Variants in ZNF717 observed in about 807,000 individuals in gnomAD.
The protein encoded by ZNF717 is zinc finger protein 717, also known as krueppel-like factor X17.
In ZNF717, 9 loss-of-function variants were observed where a neutral mutation model predicts 13.8. The observed-to-expected ratio is 0.65, with a 90% confidence interval of 0.39 to 1.14. ZNF717 has a LOEUF of 1.14. Among genes scored for constraint, ZNF717 ranks in the 50% most tolerant of loss-of-function variants. The probability of loss-of-function intolerance (pLI) is 0.01; values close to 1 mark genes in which losing one functional copy is unlikely to be tolerated. For synonymous variants in ZNF717, 327 were observed against 364.1 expected (o/e 0.90, Z 1.16); for missense variants, 1,040 against 1,080.7 (o/e 0.96, Z 0.53).
At chr3:75,721,852 GAA>G (rs33935939) in intron 4 of ZNF717, among the ~76,000 whole-genome samples, 1 of 151,542 alleles carries the variant, frequency 6.6e-6, no homozygotes, top group African/African-American at 2.4e-5. Context: ...AAGTTAAAAG[GAA>G]AAAAAAATTG....
At chr3:75,733,235 T>G (rs1164329700), downstream of ZNF717, among the ~76,000 whole-genome samples, 1 of 152,108 alleles carries the variant, frequency 6.6e-6, no homozygotes, top group Non-Finnish European at 1.5e-5. Flanking sequence ...AGGTGTAACA[T>G]AGAGTGATGA....
downstream of ZNF717, among the ~76,000 whole-genome samples, chr3:75,707,683 G>A (rs1937833988): frequency 6.6e-6 from 1 of 152,148 alleles, no homozygotes; most frequent in African/African-American, 2.4e-5. Flanking sequence ...ACGGGGTCAG[G>A]GAGTTCCCTT....
At chr3:75,702,525 A>G (rs1398755911) in intron 6 of ZNF717, among the ~76,000 whole-genome samples, 31 of 151,444 alleles carry the variant, frequency 2.0e-4, no homozygotes, top group African/African-American at 7.4e-4. Flanking sequence ...GGTTAAAACA[A>G]TTGTTAGAAA....
chr3:75,746,370 C>T (rs375322626), intron 2 of ZNF717, among the ~76,000 whole-genome samples: 1 of 152,098 alleles, frequency 6.6e-6, no homozygotes, highest in Non-Finnish European at 1.5e-5. Context: ...ATAGTAGCAT[C>T]ATTTATATTC....
At chr3:75,734,749 A>G (rs1368714602), downstream of ZNF717, among the ~76,000 whole-genome samples, 26 of 148,582 alleles carry the variant, frequency 1.7e-4, no homozygotes, top group Middle Eastern at 3.3e-3. Flanking sequence ...TTTATTCTTA[A>G]TTGACCTAAC....
At chr3:75,697,440 T>C (rs1470909826) in intron 6 of ZNF717, among the ~76,000 whole-genome samples, 6 of 152,354 alleles carry the variant, frequency 3.9e-5, no homozygotes, top group Admixed American at 2.0e-4. Flanking sequence ...GGTACTATCC[T>C]CATAATAGTA....
Position 75,739,143 on chromosome 3 carries a change from A to C in ZNF717, c.480T>G (p.Asn160Lys). The change falls in exon 5 of 5, where the codon AAT becomes AAG. Residue 160 changes from asparagine to lysine, a missense_variant. Asn to Lys is a moderately conservative substitution (Grantham distance 94). This residue lies in a region of ZNF717 where 873 missense variants were observed against 832.8 expected (regional missense o/e 1.05). Coordinates refer to ENST00000652011, the MANE Select transcript of ZNF717 (RefSeq NM_001290208.3). The stretch of plus-strand genomic sequence containing the variant: ...TAGGGAAAAGCATGTTCTGGCAATC[A>C]TTAAACTGCCCAGGCTTCATTCCTG... Reference protein sequence around the residue: ...NSSGMKPGQFNDCQNMLFPIK... With the variant: ...NSSGMKPGQFKDCQNMLFPIK... 8 of 1,236,386 alleles carry C rather than the reference A, an allele frequency of 6.5e-6. No individual in the cohort carries two copies. The highest frequency in any genetic ancestry group is 8.9e-6 in the Non-Finnish European group (8 of 894,566). 76.6% of individuals were successfully genotyped at this position (1,236,386 alleles called of 1,614,324 possible).
chr3:75,736,643 G>C lies in ZNF717; in HGVS notation c.*235C>G. The C allele has an allele frequency of 2.0e-6, 1 of 502,464 alleles. No homozygotes were observed. Among genetic ancestry groups the C allele is most frequent in the African/African-American group, 1.9e-5 (1 of 52,142 alleles). 31.1% of individuals were successfully genotyped at this position (502,464 alleles called of 1,614,324 possible). On this transcript the variant is annotated 3_prime_UTR_variant, in exon 5 of 5. Transcript: ENST00000652011. ...AGTTGCAGAAGAAATGTTTGAAGCT[G>C]GCAGAGGTTGGTATATGAGCTTCTA...
Position 75,778,654 on chromosome 3 carries a change from G to A in ZNF717, c.57+4652C>T, listed in dbSNP as rs532588638. Among the ~76,000 whole-genome samples the A allele has an allele frequency of 1.3e-3, 201 of 151,946 alleles. 3 individuals carry two copies. The highest frequency in any genetic ancestry group is 2.9e-3 in the Admixed American group (44 of 15,240). ...TGCTAAAACCAGAACCCAAAACAAT[G>A]GGAGTGACGTGCTAAACCAAAAACC... On this transcript the variant is annotated intron_variant, in intron 2 of 4. Transcript: ENST00000652011.
At chr3:75,780,902 A>G (rs1267257876) in intron 2 of ZNF717, among the ~76,000 whole-genome samples, 7 of 152,400 alleles carry the variant, frequency 4.6e-5, no homozygotes, top group African/African-American at 1.4e-4. Context: ...ACGTTCCAGC[A>G]TAAGAAGGTA....
chr3:75,764,588 A>G (rs1363644491), intron 2 of ZNF717, among the ~76,000 whole-genome samples: 5 of 152,238 alleles, frequency 3.3e-5, no homozygotes, highest in Non-Finnish European at 7.3e-5. Context: ...AACAAAATAA[A>G]GTGATTAAAA....
Position 75,774,567 on chromosome 3 carries a change from TCAATC to T in ZNF717, c.57+8734_57+8738del. Among the ~76,000 whole-genome samples the T allele has an allele frequency of 2.0e-5, 3 of 149,994 alleles. No individual in the cohort carries two copies. In the South Asian group the frequency reaches 6.5e-4, roughly 32 times the overall value. On this transcript the variant is annotated intron_variant, in intron 2 of 4. Transcript: ENST00000652011. ...TTCAGGTTATATTTAGTGTATGTCA[TCAATC>T]CATTCTAAAATTGTATAGAATTTCT... is the stretch of plus-strand genomic sequence containing the variant.
intron 2 of ZNF717, among the ~76,000 whole-genome samples, chr3:75,744,452 G>T (rs970254795): frequency 2.0e-5 from 3 of 152,238 alleles, no homozygotes; most frequent in African/African-American, 7.2e-5. Flanking sequence ...GGAGGACACA[G>T]GGCAAACCAC....
At chr3:75,769,326 C>T (rs1943727185) in intron 2 of ZNF717, among the ~76,000 whole-genome samples, 1 of 152,118 alleles carries the variant, frequency 6.6e-6, no homozygotes, top group African/African-American at 2.4e-5. Flanking sequence ...AAAGAGAGGG[C>T]TGGGTGCCTA....
At chr3:75,763,882 T>G (rs1461128142) in intron 2 of ZNF717, among the ~76,000 whole-genome samples, 1 of 152,222 alleles carries the variant, frequency 6.6e-6, no homozygotes, top group Non-Finnish European at 1.5e-5. Context: ...GATTACTGAT[T>G]TGAAGAGGAA....
intron 2 of ZNF717, among the ~76,000 whole-genome samples, chr3:75,757,852 C>T (rs200050762): frequency 4.6e-5 from 7 of 151,070 alleles, no homozygotes; most frequent in Non-Finnish European, 8.8e-5. Flanking sequence ...TGGTGGCTCA[C>T]GCCTGTAATC....
intron 2 of ZNF717, among the ~76,000 whole-genome samples, chr3:75,745,126 T>A (rs1365423744): frequency 1.3e-5 from 2 of 149,570 alleles, no homozygotes; most frequent in African/African-American, 2.4e-5. Flanking sequence ...TGAATGTTTG[T>A]CCCTCACAAC....
At chr3:75,776,875 T>C (rs1944361892) in intron 2 of ZNF717, among the ~76,000 whole-genome samples, 1 of 152,222 alleles carries the variant, frequency 6.6e-6, no homozygotes, top group Admixed American at 6.5e-5. Flanking sequence ...TGGGGTATTA[T>C]AAAGATTTGG....
intron 5 of ZNF717, among the ~76,000 whole-genome samples, chr3:75,712,761 A>C (rs1160432102): frequency 1.3e-5 from 2 of 152,186 alleles, no homozygotes; most frequent in Non-Finnish European, 2.9e-5. Context: ...TCTTCTACTT[A>C]CTGGTTCTTC....
Sources: gnomAD v4.1 joint callset for allele counts (sites outside exome capture counted in the v4.1 genomes callset) on GRCh38, gnomAD v4.1.1 for gene constraint, gnomAD v4.1.1 regional missense constraint, MANE v1.5 for transcripts, NCBI Gene and HGNC (gene_info 2026-07-23, HGNC 2026-07-21) for gene names.